Variants in ENPP6 observed in about 807,000 individuals in gnomAD.
The protein encoded by ENPP6 is glycerophosphocholine cholinephosphodiesterase ENPP6.
A neutral mutation model predicts 42.0 loss-of-function variants in ENPP6; 32 were observed. The observed-to-expected ratio is 0.76, with a 90% CI of 0.58 to 1.02. ENPP6 has a LOEUF of 1.02. ENPP6 is among the 50% of genes least tolerant of loss of function. The probability of loss-of-function intolerance (pLI) is 0.00; values close to 1 mark genes in which losing one functional copy is unlikely to be tolerated. For missense variants in ENPP6, 552 were observed against 566.8 expected (o/e 0.97, Z 0.27); for synonymous variants, 213 against 216.0 (o/e 0.99, Z 0.12).
In ENPP6 at chr4:184,128,532, C is replaced by G. The variant is rs1384785138; in HGVS notation, c.422-4260G>C. ...AGATGATGTAAGAAATAAAATCCAA[C>G]TTTATTTACAAAATGCACATTTGAA... is the stretch of plus-strand genomic sequence containing the variant. On this transcript the variant is annotated intron_variant, in intron 2 of 7. Transcript: ENST00000296741. Among the ~76,000 whole-genome samples the G allele has an allele frequency of 2.6e-5, 4 of 151,576 alleles. No homozygotes were observed. In the East Asian group the frequency reaches 5.8e-4, roughly 22 times the overall value.
chr4:184,098,197 C>T (rs75962220), intron 6 of ENPP6, among the ~76,000 whole-genome samples: 4,036 of 152,254 alleles, frequency 0.027, 168 homozygotes, highest in African/African-American at 0.086. Context: ...TGTGACCCCT[C>T]GAATGTAGCC....
chr4:184,101,275 CGTGT>C (rs527731623), intron 6 of ENPP6, among the ~76,000 whole-genome samples: 15 of 148,958 alleles, frequency 1.0e-4, no homozygotes, highest in Non-Finnish European at 1.5e-4. Flanking sequence ...CTGTGTTGCA[CGTGT>C]GTGTTAATGT....
chr4:184,168,920 C>T (rs1290767365), intron 1 of ENPP6, among the ~76,000 whole-genome samples: 1 of 152,184 alleles, frequency 6.6e-6, no homozygotes, highest in Non-Finnish European at 1.5e-5. Flanking sequence ...CTCATTCCCC[C>T]ACCCCACCCT....
intron 1 of ENPP6, among the ~76,000 whole-genome samples, chr4:184,162,340 A>G (rs879448196): frequency 2.0e-5 from 3 of 152,164 alleles, no homozygotes; most frequent in African/African-American, 7.2e-5. Flanking sequence ...ATGCATGACT[A>G]TTGTTGGATA....
intron 5 of ENPP6, among the ~76,000 whole-genome samples, chr4:184,113,650 G>A (rs1425483814): frequency 6.6e-6 from 1 of 152,166 alleles, no homozygotes; most frequent in African/African-American, 2.4e-5. Flanking sequence ...CAAAAAAGAG[G>A]ATTTGTTCTT....
At chr4:184,156,761 A>C (rs1258402616) in intron 1 of ENPP6, among the ~76,000 whole-genome samples, 1 of 152,224 alleles carries the variant, frequency 6.6e-6, no homozygotes, top group Non-Finnish European at 1.5e-5. Context: ...GAACTGCTGT[A>C]TGAAGGGGGT....
chr4:184,212,917 C>G (rs920813276), intron 1 of ENPP6, among the ~76,000 whole-genome samples: 13 of 152,040 alleles, frequency 8.6e-5, no homozygotes, highest in Non-Finnish European at 1.5e-4. Context: ...CAAAACAGAG[C>G]CCTCAGAAAT....
intron 2 of ENPP6, among the ~76,000 whole-genome samples, chr4:184,147,577 C>T (rs866018497): frequency 6.6e-6 from 1 of 152,060 alleles, no homozygotes; most frequent in East Asian, 1.9e-4. Flanking sequence ...GTACGGGATT[C>T]GAGACCAGAC....
intron 2 of ENPP6, among the ~76,000 whole-genome samples, chr4:184,152,815 G>C (rs980705568): frequency 2.0e-5 from 3 of 152,186 alleles, no homozygotes; most frequent in Non-Finnish European, 4.4e-5. Flanking sequence ...TGTAGCATGG[G>C]AGTCTTAACA....
intron 1 of ENPP6, among the ~76,000 whole-genome samples, chr4:184,169,894 G>A (rs1053043537): frequency 3.3e-5 from 5 of 152,134 alleles, no homozygotes; most frequent in Non-Finnish European, 5.9e-5. Flanking sequence ...ACAGTGCTCC[G>A]CCCTGGTTTC....
intron 5 of ENPP6, among the ~76,000 whole-genome samples, 175 bp downstream of exon 5, chr4:184,116,681 C>A (rs981645090): frequency 6.6e-6 from 1 of 151,598 alleles, no homozygotes; most frequent in Non-Finnish European, 1.5e-5. Context: ...TGCAGTGAGC[C>A]GAGATCGCGC....
chr4:184,203,731 T>C (rs965575334), intron 1 of ENPP6, among the ~76,000 whole-genome samples: 5 of 152,160 alleles, frequency 3.3e-5, no homozygotes, highest in Non-Finnish European at 7.4e-5. Context: ...ATTTCAGACT[T>C]TGGGAATCCA....
In ENPP6 at chr4:184,106,038, TTG is replaced by T. The variant is rs1246174960; in HGVS notation, c.993+6632_993+6633del. On this transcript the variant is annotated intron_variant, in intron 6 of 7. Coordinates refer to ENST00000296741, the MANE Select transcript of ENPP6 (RefSeq NM_153343.4). The stretch of plus-strand genomic sequence containing the variant: ...TGAACTTAAGATCAAAAATACCAAG[TTG>T]TTTTTTTTTTTTTTGAGATGGAATC... 1.7e-4 allele frequency among the ~76,000 whole-genome samples: 6 copies of T among 35,780 alleles called. No individual in the cohort carries two copies. The Admixed American group carries it at 3.1e-3, about 19-fold the overall frequency. The allele number at this position is 35,780 out of a possible 152,430, so 23.5% of individuals were successfully genotyped here.
chr4:184,103,116 A>T (rs1441007001), intron 6 of ENPP6, among the ~76,000 whole-genome samples: 1 of 152,374 alleles, frequency 6.6e-6, no homozygotes, highest in African/African-American at 2.4e-5. Context: ...GAGGCACAGG[A>T]TCAGCTGGTA....
chr4:184,197,490 C>T (rs1732820625), intron 1 of ENPP6, among the ~76,000 whole-genome samples: 1 of 152,186 alleles, frequency 6.6e-6, no homozygotes, highest in African/African-American at 2.4e-5. Flanking sequence ...GGCTTCCGTC[C>T]CTGATCATCT....
chr4:184,169,442 C>T (rs75778116), intron 1 of ENPP6, among the ~76,000 whole-genome samples: 2,972 of 152,306 alleles, frequency 0.02, 38 homozygotes, highest in Non-Finnish European at 0.031. Flanking sequence ...GTTCTGCTCT[C>T]CTGGCTCCTG....
chr4:184,187,656 C>T (rs980526905), intron 1 of ENPP6, among the ~76,000 whole-genome samples: 1 of 152,204 alleles, frequency 6.6e-6, no homozygotes, highest in Non-Finnish European at 1.5e-5. Flanking sequence ...GCACTGTGGT[C>T]ATTCTTGGTG....
In ENPP6 at chr4:184,089,461, T is replaced by C. The variant is rs1579600988; in HGVS notation, c.*1716A>G. The C allele has an allele frequency of 1.7e-5, 1 of 59,804 alleles. No individual in the cohort carries two copies. Among genetic ancestry groups the C allele is most frequent in the Non-Finnish European group, 4.6e-5 (1 of 21,592 alleles). 3.7% of individuals were successfully genotyped at this position (59,804 alleles called of 1,614,324 possible). Reference sequence around the variant, plus strand: ...CAGATGTACCTCAATTAGTGCAAACTTTTTTTTTCTTTCTATTTTTTGGGG... The same window carrying C: ...CAGATGTACCTCAATTAGTGCAAACCTTTTTTTTCTTTCTATTTTTTGGGG... On this transcript the variant is annotated 3_prime_UTR_variant, in exon 8 of 8. Transcript: ENST00000296741.
At chr4:184,175,350 G>T (rs1322038138) in intron 1 of ENPP6, among the ~76,000 whole-genome samples, 1 of 152,154 alleles carries the variant, frequency 6.6e-6, no homozygotes, top group Non-Finnish European at 1.5e-5. Flanking sequence ...CCCTCTTAGA[G>T]GGATGATTAG....
Sources: allele counts gnomAD v4.1 joint callset (sites outside exome capture counted in the v4.1 genomes callset), GRCh38; gene constraint gnomAD v4.1.1; transcripts MANE v1.5; gene names NCBI Gene and HGNC (gene_info 2026-07-23, HGNC 2026-07-21).